Variants in JADE1 observed in about 807,000 individuals in gnomAD.
JADE1 encodes protein Jade-1.
Under a neutral mutation model 81.8 loss-of-function variants are expected in JADE1, and 14 were observed. The ratio of observed to expected loss-of-function variants is 0.17; its 90% CI spans 0.11 to 0.27. The LOEUF (loss-of-function observed/expected upper bound fraction) is 0.27, where lower values mean the gene tolerates loss of function less well. Among genes scored for constraint, JADE1 ranks in the 10% least tolerant of loss-of-function variants. JADE1 has a pLI of 1.00. For synonymous variants in JADE1, 353 were observed against 391.9 expected, an observed-to-expected ratio of 0.90 and a Z score of 1.17; for missense variants, 690 against 1,047.9, an observed-to-expected ratio of 0.66 and a Z score of 4.71.
intron 2 of JADE1, among the ~76,000 whole-genome samples, chr4:128,842,635 C>T (rs1729537893): frequency 6.6e-6 from 1 of 152,170 alleles, no homozygotes; most frequent in Non-Finnish European, 1.5e-5. Context: ...CAGCATGAGA[C>T]TTTGAACCTC....
At chr4:128,855,938 G>A (rs1283501154) in intron 7 of JADE1, 141 bp downstream of exon 7, 1 of 616,690 alleles carries the variant, frequency 1.6e-6, no homozygotes, top group Non-Finnish European at 2.6e-6. Flanking sequence ...TCCCACCTCA[G>A]CCTTTTGAGT....
At chr4:128,813,595 G>T (rs1034663753) in intron 1 of JADE1, among the ~76,000 whole-genome samples, 4 of 151,300 alleles carry the variant, frequency 2.6e-5, no homozygotes, top group Non-Finnish European at 4.4e-5. Context: ...ATTTTTTTTT[G>T]TATTTTTAGT....
chr4:128,865,910 G>A (rs1333097127), intron 9 of JADE1, among the ~76,000 whole-genome samples: 1 of 152,200 alleles, frequency 6.6e-6, no homozygotes, highest in South Asian at 2.1e-4. Context: ...TTGAATATGA[G>A]AGCAACCTGT....
In JADE1 at chr4:128,873,272, AGAAAAAAAG is replaced by A. The variant is rs1732335283; in HGVS notation, c.*1011_*1019del. 1 of 106,250 alleles carries A rather than the reference AGAAAAAAAG, an allele frequency of 9.4e-6. No individual in the cohort carries two copies. Among genetic ancestry groups the A allele is most frequent in the African/African-American group, 3.1e-5 (1 of 31,826 alleles). 6.6% of individuals were successfully genotyped at this position (106,250 alleles called of 1,614,324 possible). A position where few individuals can be genotyped will look rare whatever the true frequency, so the allele number is the denominator to read the frequency against. On this transcript the variant is annotated 3_prime_UTR_variant, in exon 11 of 11. Transcript: ENST00000226319. ...AAGAAAAAGGAAAAAAAAAAAAAAA[AGAAAAAAAG>A]AAAAAAAAAAGAAAAAAGAAAAAAA... is the stretch of plus-strand genomic sequence containing the variant.
At chr4:128,859,681 G>C (rs1731161742) in intron 8 of JADE1, among the ~76,000 whole-genome samples, 1 of 152,226 alleles carries the variant, frequency 6.6e-6, no homozygotes, top group Non-Finnish European at 1.5e-5. Flanking sequence ...TCTGAGCGTA[G>C]AATTTATGCC....
At chr4:128,843,826 A>T (rs559792799) in intron 3 of JADE1, among the ~76,000 whole-genome samples, 5 of 152,340 alleles carry the variant, frequency 3.3e-5, no homozygotes, top group African/African-American at 1.2e-4. Flanking sequence ...GCATAGGCAG[A>T]TATTCCTTGG....
rs1034099761 is a variant in JADE1, at chr4:128,864,039, C to T, written c.1503+1814C>T. The T allele has an allele frequency of 8.1e-6, 8 of 985,056 alleles. No individual in the cohort carries two copies. The Admixed American group carries it at 1.8e-4, about 23-fold the overall frequency. 61.0% of individuals were successfully genotyped at this position (985,056 alleles called of 1,614,324 possible). Reference sequence around the variant, plus strand: ...CGCTGTTTAAGTAGAACAATGCCAACGATGTATGAGAAACAGGGAATAAAT... The same window carrying T: ...CGCTGTTTAAGTAGAACAATGCCAATGATGTATGAGAAACAGGGAATAAAT... On this transcript the variant is annotated intron_variant, in intron 9 of 10. Coordinates refer to ENST00000226319, the MANE Select transcript of JADE1 (RefSeq NM_199320.4).
At chr4:128,812,156 G>A (rs1013840903) in intron 1 of JADE1, among the ~76,000 whole-genome samples, 1 of 151,916 alleles carries the variant, frequency 6.6e-6, no homozygotes, top group Non-Finnish European at 1.5e-5. Context: ...TGGAGAGGGC[G>A]GCGGCGGCGG....
intron 1 of JADE1, chr4:128,811,451 G>C (rs1579071577): frequency 6.6e-6 from 1 of 152,128 alleles, no homozygotes; most frequent in South Asian, 2.1e-4. Context: ...GGGGAGACTC[G>C]GGAGCGAGCC....
At chr4:128,810,570 T>C (rs1726256840) in intron 1 of JADE1, among the ~76,000 whole-genome samples, 1 of 149,964 alleles carries the variant, frequency 6.7e-6, no homozygotes, top group African/African-American at 2.5e-5. Context: ...CGCGTACATA[T>C]ATGAATCCAG....
chr4:128,850,206 ATCACTTGAGGTGATTCTTCTCAAG>A (rs66531962), intron 5 of JADE1, among the ~76,000 whole-genome samples: 25,818 of 151,278 alleles, frequency 0.17, 2,356 homozygotes, highest in Middle Eastern at 0.29. Flanking sequence ...AGGCAGAAGA[ATCACTTGAGGTGATTCTTCTCAAG>A]TCACTTGAGG....
At chr4:128,810,342 G>C (rs949176937) in intron 1 of JADE1, 1 of 151,202 alleles carries the variant, frequency 6.6e-6, no homozygotes, top group African/African-American at 2.4e-5. Context: ...TGAAGACTTA[G>C]AGCTATTTCT....
intron 2 of JADE1, among the ~76,000 whole-genome samples, chr4:128,835,328 C>T (rs559027825): frequency 1.7e-4 from 26 of 152,286 alleles, no homozygotes; most frequent in African/African-American, 6.0e-4. Context: ...TAGTGGTAAA[C>T]GCAGAGTTCT....
At chr4:128,817,795 T>G (rs979631598) in intron 1 of JADE1, among the ~76,000 whole-genome samples, 1 of 152,220 alleles carries the variant, frequency 6.6e-6, no homozygotes, top group African/African-American at 2.4e-5. Flanking sequence ...CATGGGTGTT[T>G]CCTTAAGCAC....
intron 8 of JADE1, among the ~76,000 whole-genome samples, chr4:128,860,356 T>C (rs1731217176): frequency 6.6e-6 from 1 of 152,192 alleles, no homozygotes; most frequent in African/African-American, 2.4e-5. Flanking sequence ...TCTCCTCTTC[T>C]CAGTAAAAGA....
chr4:128,812,221 C>T lies in JADE1; in HGVS notation c.-27+2344C>T, dbSNP rs866711879. Among the ~76,000 whole-genome samples, 94 of 152,200 alleles carry T rather than the reference C, an allele frequency of 6.2e-4. 1 individual carries two copies. The highest frequency in any genetic ancestry group is 2.2e-3 in the African/African-American group (93 of 41,556). On this transcript the variant is annotated intron_variant, in intron 1 of 10. Coordinates refer to ENST00000226319, the MANE Select transcript of JADE1 (RefSeq NM_199320.4). Reference sequence around the variant, plus strand: ...GTTGCGCCACGAGAAGGTGTCATCACTGCACCGGGGCTAATTCCGGCGGAG... The same window carrying T: ...GTTGCGCCACGAGAAGGTGTCATCATTGCACCGGGGCTAATTCCGGCGGAG...
chr4:128,831,714 C>T lies in JADE1; in HGVS notation c.-26-19C>T, dbSNP rs1728571594. ...GTGTATTATCATCTTGGGTTAAGTG[C>T]TGTCTCATTGCTTTGCAGGCTGCCT... On this transcript the variant is annotated intron_variant, in intron 1 of 10. Coordinates refer to ENST00000226319, the MANE Select transcript of JADE1 (RefSeq NM_199320.4). 6.2e-7 allele frequency: 1 copy of T among 1,610,922 alleles called. No individual in the cohort carries two copies. The highest frequency in any genetic ancestry group is 8.5e-7 in the Non-Finnish European group (1 of 1,177,208).
chr4:128,838,123 G>A (rs547417778), intron 2 of JADE1, among the ~76,000 whole-genome samples: 46 of 152,258 alleles, frequency 3.0e-4, no homozygotes, highest in African/African-American at 1.0e-3. Context: ...GGAACGTTGT[G>A]CCCGGGCAGG....
At chr4:128,857,741 T>A (rs937989442) in intron 8 of JADE1, among the ~76,000 whole-genome samples, 25 of 152,144 alleles carry the variant, frequency 1.6e-4, no homozygotes, top group Admixed American at 9.8e-4. Flanking sequence ...CTGCCCAAAG[T>A]CTAGCATCGC....
Sources: allele counts gnomAD v4.1 joint callset (sites outside exome capture counted in the v4.1 genomes callset), GRCh38; gene constraint gnomAD v4.1.1; transcripts MANE v1.5; gene names NCBI Gene and HGNC (gene_info 2026-07-23, HGNC 2026-07-21).